Variants in ABLIM1 observed in about 807,000 individuals in gnomAD.
ABLIM1 encodes actin binding LIM protein 1, also known as actin-binding LIM protein 1.
A neutral mutation model predicts 107.0 loss-of-function variants in ABLIM1; 40 were observed. That is an observed-to-expected ratio of 0.37 (90% CI 0.29 to 0.49). The LOEUF (loss-of-function observed/expected upper bound fraction) is 0.49. ABLIM1 is among the 20% of genes least tolerant of loss of function. The probability of loss-of-function intolerance (pLI) is 0.97; values close to 1 mark genes in which losing one functional copy is unlikely to be tolerated. For missense variants in ABLIM1, 857 were observed against 1,008.5 expected (o/e 0.85, Z 2.04); for synonymous variants, 357 against 357.3 (o/e 1.00, Z 0.01).
At chr10:114,750,321 G>A (rs575117689) in intron 1 of ABLIM1, among the ~76,000 whole-genome samples, 15 of 152,136 alleles carry the variant, frequency 9.9e-5, no homozygotes, top group African/African-American at 2.9e-4. Flanking sequence ...TGACTGAATC[G>A]TTACCAACCC....
chr10:114,701,657 T>G (rs1359158737), intron 1 of ABLIM1, among the ~76,000 whole-genome samples: 1 of 152,156 alleles, frequency 6.6e-6, no homozygotes, highest in African/African-American at 2.4e-5. Context: ...GGAAAAAGCC[T>G]TACACAAAAC....
intron 2 of ABLIM1, among the ~76,000 whole-genome samples, chr10:114,593,795 C>T: frequency 1.2e-5 from 1 of 80,122 alleles, no homozygotes; most frequent in Non-Finnish European, 2.8e-5. Flanking sequence ...AATCAGTAAG[C>T]AGTGTTATTT....
At position 114,485,211 on chromosome 10, in the gene ABLIM1, T is replaced by C. The variant is rs865922247; in HGVS notation, c.1041+2747A>G. On this transcript the variant is annotated intron_variant, in intron 8 of 22. Transcript: ENST00000533213. ...CTTTCTGCAGGAGCCGAAGAAGTTATGTGAGAAAAGCAGCCCAGGGGAAAA... is the reference window on the plus strand; with the variant it reads ...CTTTCTGCAGGAGCCGAAGAAGTTACGTGAGAAAAGCAGCCCAGGGGAAAA... 7.2e-5 allele frequency: 75 copies of C among 1,041,786 alleles called. No homozygotes were observed. The Middle Eastern group carries it at 4.5e-3, about 62-fold the overall frequency. 64.5% of individuals were successfully genotyped at this position (1,041,786 alleles called of 1,614,324 possible). A position where few individuals can be genotyped will look rare whatever the true frequency, so the allele number is the denominator to read the frequency against.
intron 2 of ABLIM1, among the ~76,000 whole-genome samples, chr10:114,590,014 T>C (rs994069516): frequency 1.4e-4 from 22 of 152,308 alleles, no homozygotes; most frequent in Non-Finnish European, 2.9e-4. Context: ...GTACCATTTT[T>C]AGTTTTTATA....
rs1425167511 is a variant in ABLIM1, at chr10:114,444,123, G to T, written c.1839C>A (p.Gly613=). ...QEEQLMKLNS[G]LGQLILKEEM... ...CTTCTTTCAAGATCAACTGTCCCAGGCCTGAGTTAAGCTATTCACAGAAAA... is the reference window on the plus strand; with the variant it reads ...CTTCTTTCAAGATCAACTGTCCCAGTCCTGAGTTAAGCTATTCACAGAAAA... The change falls in exon 17 of 23, where the codon GGC becomes GGA. Residue 613 remains glycine (G), a synonymous_variant. Coordinates refer to ENST00000533213, the MANE Select transcript of ABLIM1 (RefSeq NM_002313.7). 2 of 1,590,542 alleles carry T rather than the reference G, an allele frequency of 1.3e-6. No individual in the cohort carries two copies. The highest frequency in any genetic ancestry group is 1.7e-6 in the Non-Finnish European group (2 of 1,171,206).
intron 1 of ABLIM1, among the ~76,000 whole-genome samples, chr10:114,640,408 T>C (rs2078687987): frequency 6.6e-6 from 1 of 152,138 alleles, no homozygotes; most frequent in Non-Finnish European, 1.5e-5. Context: ...GTACCTGTAG[T>C]CCCAGCTACT....
chr10:114,440,176 C>A, intron 19 of ABLIM1, 87 bp from the exon 20 acceptor site: 1 of 1,337,700 alleles, frequency 7.5e-7, no homozygotes, highest in Non-Finnish European at 1.1e-6. Context: ...TATTGAAATT[C>A]CCAACATATT....
At chr10:114,466,167 T>C (rs2065108886) in intron 11 of ABLIM1, among the ~76,000 whole-genome samples, 1 of 152,012 alleles carries the variant, frequency 6.6e-6, no homozygotes, top group Non-Finnish European at 1.5e-5. Context: ...CAACGAGACC[T>C]TGTCTTTACA....
chr10:114,769,172 GAAA>G (rs35691537), upstream of ABLIM1, among the ~76,000 whole-genome samples: 1,090 of 46,510 alleles, frequency 0.023, 7 homozygotes, highest in Middle Eastern at 0.05. Context: ...TGTCTTCAAT[GAAA>G]AAAAAAAAAA....
At position 114,711,362 on chromosome 10, in the gene ABLIM1, T is replaced by C. The variant is rs1441949494; in HGVS notation, c.-213+56699A>G. Among the ~76,000 whole-genome samples the C allele has an allele frequency of 2.0e-5, 3 of 152,202 alleles. No individual in the cohort carries two copies. The East Asian group carries it at 5.8e-4, about 29-fold the overall frequency. On this transcript the variant is annotated intron_variant, in intron 1 of 15. Coordinates refer to the ABLIM1 transcript ENST00000651092. ...GTATGTCTCAGAGCCTCTTCATCCA[T>C]AACCTTCCCTTGTCTTTTGATGTTC...
chr10:114,457,574 AC>A (rs2063062072), intron 12 of ABLIM1, among the ~76,000 whole-genome samples: 1 of 152,076 alleles, frequency 6.6e-6, no homozygotes, highest in African/African-American at 2.4e-5. Flanking sequence ...CCTGGCCAAT[AC>A]CCTATTTAAA....
chr10:114,717,262 A>G (rs2081690980), intron 1 of ABLIM1, among the ~76,000 whole-genome samples: 1 of 152,212 alleles, frequency 6.6e-6, no homozygotes, highest in Non-Finnish European at 1.5e-5. Flanking sequence ...AGCTGGACGG[A>G]AAGTCTATGG....
chr10:114,486,710 G>GT (rs71849997), intron 8 of ABLIM1, among the ~76,000 whole-genome samples: 13 of 150,892 alleles, frequency 8.6e-5, no homozygotes, highest in Admixed American at 2.6e-4. Flanking sequence ...GAGAAAAAGT[G>GT]TTTTTTTTTC....
At chr10:114,451,389 C>T (rs996219654) in intron 14 of ABLIM1, among the ~76,000 whole-genome samples, 2 of 152,194 alleles carry the variant, frequency 1.3e-5, no homozygotes, top group African/African-American at 4.8e-5. Context: ...CAGAATGATA[C>T]ATGGTTTGAT....
chr10:114,474,391 T>C (rs1229416328), intron 8 of ABLIM1, among the ~76,000 whole-genome samples: 1 of 150,752 alleles, frequency 6.6e-6, no homozygotes, highest in Non-Finnish European at 1.5e-5. Flanking sequence ...GACCTTTTTT[T>C]TTTTTTTGAG....
the ABLIM1 span, among the ~76,000 whole-genome samples, chr10:114,793,545 A>G: frequency 6.6e-6 from 1 of 152,182 alleles, no homozygotes; most frequent in Non-Finnish European, 1.5e-5. Flanking sequence ...TTTATGCTGC[A>G]CTTTATGCTG....
chr10:114,737,055 A>G (rs1187068301), intron 1 of ABLIM1, among the ~76,000 whole-genome samples: 2 of 151,570 alleles, frequency 1.3e-5, no homozygotes, highest in African/African-American at 4.9e-5. Flanking sequence ...TGGGTGTAAT[A>G]GCATGTGCCT....
chr10:114,489,924 A>G (rs1485428119), intron 7 of ABLIM1, among the ~76,000 whole-genome samples: 1 of 152,182 alleles, frequency 6.6e-6, no homozygotes, highest in Admixed American at 6.5e-5. Flanking sequence ...TTGTAGCCCG[A>G]ATGTGCTGCA....
intron 1 of ABLIM1, among the ~76,000 whole-genome samples, chr10:114,646,287 G>GA (rs985152975): frequency 6.6e-6 from 1 of 151,912 alleles, no homozygotes; most frequent in Non-Finnish European, 1.5e-5. Flanking sequence ...TTGCACACAG[G>GA]AAAAAAAGCA....
Sources: gnomAD v4.1 joint callset for allele counts (sites outside exome capture counted in the v4.1 genomes callset) on GRCh38, gnomAD v4.1.1 for gene constraint, MANE v1.5 for transcripts, NCBI Gene and HGNC (gene_info 2026-07-23, HGNC 2026-07-21) for gene names.